TMEM163: variants seen among roughly 807,000 people sequenced by gnomAD.
TMEM163 encodes the protein transmembrane protein 163.
Under a neutral mutation model 29.3 loss-of-function variants are expected in TMEM163, and 17 were observed. That is an observed-to-expected ratio of 0.58 (90% confidence interval 0.40 to 0.87). TMEM163 has a LOEUF of 0.87. Among genes scored for constraint, TMEM163 ranks in the 40% least tolerant of loss-of-function variants. TMEM163 has a pLI of 0.00. For synonymous variants in TMEM163, 157 were observed against 160.6 expected, an observed-to-expected ratio of 0.98 and a Z score of 0.17; for missense variants, 303 against 381.5, an observed-to-expected ratio of 0.79 and a Z score of 1.71.
chr2:134,589,885 C>T (rs1250073398), intron 2 of TMEM163, among the ~76,000 whole-genome samples: 4 of 152,144 alleles, frequency 2.6e-5, no homozygotes, highest in African/African-American at 9.6e-5. Flanking sequence ...CCATTGAGCA[C>T]TCATTGAGTG....
chr2:134,530,476 T>C (rs950575017), intron 4 of TMEM163, among the ~76,000 whole-genome samples: 1 of 152,226 alleles, frequency 6.6e-6, no homozygotes, highest in Non-Finnish European at 1.5e-5. Context: ...AGGGTCTCAC[T>C]GTGTTGCCCA....
intron 6 of TMEM163, among the ~76,000 whole-genome samples, chr2:134,461,950 G>A (rs1686549797): frequency 6.6e-6 from 1 of 152,186 alleles, no homozygotes; most frequent in African/African-American, 2.4e-5. Flanking sequence ...AGTGAGGAAA[G>A]AACAGAGAAG....
chr2:134,477,115 G>C (rs553295740), intron 5 of TMEM163, among the ~76,000 whole-genome samples: 32 of 152,280 alleles, frequency 2.1e-4, no homozygotes, highest in African/African-American at 7.5e-4. Flanking sequence ...CTGCCTGTGA[G>C]CTCTATGTCA....
At chr2:134,596,713 A>G (rs1056879961) in intron 2 of TMEM163, among the ~76,000 whole-genome samples, 1 of 152,058 alleles carries the variant, frequency 6.6e-6, no homozygotes, top group Non-Finnish European at 1.5e-5. Context: ...CAGTATGGCC[A>G]TTTTCACAAT....
At chr2:134,601,322 G>A (rs1574271347) in intron 2 of TMEM163, among the ~76,000 whole-genome samples, 1 of 152,288 alleles carries the variant, frequency 6.6e-6, no homozygotes, top group Admixed American at 6.5e-5. Flanking sequence ...CCTACTTCAT[G>A]GGAAAAATAA....
chr2:134,681,681 T>G (rs1684252098), intron 2 of TMEM163, among the ~76,000 whole-genome samples: 1 of 152,124 alleles, frequency 6.6e-6, no homozygotes, highest in Admixed American at 6.5e-5. Context: ...TACTCTTGGT[T>G]TACAAATCAT....
intron 5 of TMEM163, among the ~76,000 whole-genome samples, chr2:134,498,354 CTTTT>C (rs765734718): frequency 1.4e-3 from 166 of 115,456 alleles, no homozygotes; most frequent in African/African-American, 5.1e-3. Context: ...TGCATGTGGG[CTTTT>C]TTTTTTTTTT....
At chr2:134,463,607 C>T (rs1301956778) in intron 6 of TMEM163, among the ~76,000 whole-genome samples, 1 of 152,232 alleles carries the variant, frequency 6.6e-6, no homozygotes, top group East Asian at 1.9e-4. Context: ...CTGTGTCATT[C>T]TCAGGAGGCT....
intron 2 of TMEM163, among the ~76,000 whole-genome samples, chr2:134,679,813 C>T (rs1319537786): frequency 6.6e-6 from 1 of 152,206 alleles, no homozygotes; most frequent in Admixed American, 6.5e-5. Flanking sequence ...CCCACCACCA[C>T]CCCACAGCTG....
chr2:134,674,474 G>A (rs1181659952), intron 2 of TMEM163, among the ~76,000 whole-genome samples: 2 of 148,080 alleles, frequency 1.4e-5, no homozygotes, highest in Non-Finnish European at 3.0e-5. Flanking sequence ...CTCCCAAGTA[G>A]CTGGGACTAC....
intron 2 of TMEM163, among the ~76,000 whole-genome samples, chr2:134,689,225 CA>C (rs940404830): frequency 1.7e-4 from 26 of 151,394 alleles, no homozygotes; most frequent in African/African-American, 5.8e-4. Flanking sequence ...TCTCCTATCT[CA>C]GCCTCCCAAG....
intron 2 of TMEM163, among the ~76,000 whole-genome samples, chr2:134,699,998 C>T (rs971890722): frequency 5.3e-5 from 8 of 151,908 alleles, no homozygotes; most frequent in Admixed American, 2.0e-4. Flanking sequence ...TGTGGTCTTA[C>T]GTTTTAAATT....
intron 2 of TMEM163, among the ~76,000 whole-genome samples, chr2:134,579,041 C>T (rs1681630188): frequency 6.6e-6 from 1 of 152,084 alleles, no homozygotes; most frequent in Non-Finnish European, 1.5e-5. Flanking sequence ...GTGAAGTTTC[C>T]AGCACCCCAG....
chr2:134,546,833 TAA>T (rs1421224661), intron 4 of TMEM163, among the ~76,000 whole-genome samples: 2 of 151,642 alleles, frequency 1.3e-5, no homozygotes, highest in African/African-American at 4.8e-5. Context: ...ATAAAATAAA[TAA>T]AAAAGATTAT....
intron 2 of TMEM163, among the ~76,000 whole-genome samples, chr2:134,571,653 C>T (rs950207927): frequency 5.9e-5 from 9 of 152,148 alleles, no homozygotes; most frequent in African/African-American, 9.7e-5. Context: ...AAAGCTAAAT[C>T]GGCAGAAGGA....
chr2:134,580,807 G>C (rs2104794146), intron 2 of TMEM163, among the ~76,000 whole-genome samples: 1 of 152,192 alleles, frequency 6.6e-6, no homozygotes, highest in East Asian at 1.9e-4. Flanking sequence ...CATGTACTCA[G>C]GGGGCTGAGG....
intron 5 of TMEM163, among the ~76,000 whole-genome samples, chr2:134,484,259 C>G (rs187083254): frequency 2.6e-5 from 4 of 152,122 alleles, no homozygotes; most frequent in Non-Finnish European, 4.4e-5. Context: ...AGGCGAATAA[C>G]GAAATTCTCA....
chr2:134,605,640 C>T (rs1193327292), intron 2 of TMEM163, among the ~76,000 whole-genome samples: 2 of 151,446 alleles, frequency 1.3e-5, no homozygotes, highest in African/African-American at 4.9e-5. Flanking sequence ...GAGCTGAGAT[C>T]GCGCCATTGC....
At chr2:134,649,581 C>T (rs1162185061) in intron 2 of TMEM163, among the ~76,000 whole-genome samples, 2 of 152,112 alleles carry the variant, frequency 1.3e-5, no homozygotes, top group African/African-American at 4.8e-5. Flanking sequence ...AATGCTTACA[C>T]TGATTTTAAA....
Sources: gnomAD v4.1 joint callset for allele counts (sites outside exome capture counted in the v4.1 genomes callset) on GRCh38, gnomAD v4.1.1 for gene constraint, MANE v1.5 for transcripts, NCBI Gene and HGNC (gene_info 2026-07-23, HGNC 2026-07-21) for gene names.